BMERB1: variants seen among roughly 807,000 people sequenced by gnomAD.
BMERB1 encodes bMERB domain-containing protein 1.
A neutral mutation model predicts 23.6 loss-of-function variants in BMERB1; 12 were observed. The ratio of observed to expected loss-of-function variants is 0.51; its 90% CI spans 0.33 to 0.82. The LOEUF is 0.82. BMERB1 is among the 40% of genes least tolerant of loss of function. BMERB1 has a pLI of 0.03. For missense variants in BMERB1, 247 were observed against 255.4 expected (o/e 0.97, Z 0.22); for synonymous variants, 122 against 96.6 (o/e 1.26, Z -1.54).
chr16:15,505,162 G>A (rs2051573849), intron 1 of BMERB1, among the ~76,000 whole-genome samples: 1 of 152,130 alleles, frequency 6.6e-6, no homozygotes, highest in Non-Finnish European at 1.5e-5. Flanking sequence ...ACACAGGTAT[G>A]AGGCTGACCA....
At chr16:15,528,984 A>G (rs991593052) in intron 2 of BMERB1, among the ~76,000 whole-genome samples, 12 of 151,994 alleles carry the variant, frequency 7.9e-5, no homozygotes, top group African/African-American at 2.9e-4. Context: ...TTGATCTTGG[A>G]CTTTCCAGCC....
intron 1 of BMERB1, among the ~76,000 whole-genome samples, chr16:15,464,329 A>AG: frequency 6.7e-6 from 1 of 150,034 alleles, no homozygotes; most frequent in East Asian, 2.0e-4. Flanking sequence ...AAAAAAAAAA[A>AG]AAAGGATTCC....
intron 2 of BMERB1, among the ~76,000 whole-genome samples, chr16:15,523,592 A>G (rs955647853): frequency 7.2e-5 from 11 of 152,106 alleles, no homozygotes; most frequent in African/African-American, 2.7e-4. Flanking sequence ...TCTCTCAACT[A>G]GCTTTGAATT....
rs78813122 is a variant in BMERB1 at position 15,485,623 on chromosome 16, C to T, written c.107-29682C>T. The stretch of plus-strand genomic sequence containing the variant: ...AATTGGTTCTGAGACACTATTTCCC[C>T]GAGCACCATCCCAAGTATAAACTAC... On this transcript the variant is annotated intron_variant, in intron 1 of 5. Transcript: ENST00000300006. Among the ~76,000 whole-genome samples, 937 of 152,010 alleles carry T rather than the reference C, an allele frequency of 6.2e-3. 14 individuals are homozygous for T. Among genetic ancestry groups the T allele is most frequent in the African/African-American group, 0.022 (906 of 41,432 alleles).
In BMERB1 at chr16:15,472,561, C is replaced by T. The variant is rs546588755; in HGVS notation, c.106+37802C>T. Among the ~76,000 whole-genome samples, 6 of 152,194 alleles carry T rather than the reference C, an allele frequency of 3.9e-5. No individual in the cohort carries two copies. The East Asian group carries it at 1.2e-3, about 29-fold the overall frequency. On this transcript the variant is annotated intron_variant, in intron 1 of 5. Coordinates refer to ENST00000300006, the MANE Select transcript of BMERB1 (RefSeq NM_033201.3). ...TTTATCTGGTATTAGTAGAGCCATC[C>T]TGGCTTTTCTTTTGATTAACATTTG...
intron 1 of BMERB1, among the ~76,000 whole-genome samples, chr16:15,470,635 C>G (rs1169146413): frequency 6.6e-6 from 1 of 151,756 alleles, no homozygotes; most frequent in Non-Finnish European, 1.5e-5. Context: ...AAGCGATTCC[C>G]CTGCCTCAGA....
At chr16:15,553,498 T>C (rs2030156126) in intron 2 of BMERB1, among the ~76,000 whole-genome samples, 1 of 152,160 alleles carries the variant, frequency 6.6e-6, no homozygotes, top group African/African-American at 2.4e-5. Context: ...CTCTACAGAG[T>C]GTACAGTCTC....
rs547778532 is a variant in BMERB1 at position 15,496,728 on chromosome 16, C to T, written c.107-18577C>T. Reference sequence around the variant, plus strand: ...TAATTTTTTTTATTTTTAGTAGAGACGGGGTTTCACCATGTTAGCCAGGAT... The same window carrying T: ...TAATTTTTTTTATTTTTAGTAGAGATGGGGTTTCACCATGTTAGCCAGGAT... On this transcript the variant is annotated intron_variant, in intron 1 of 5. Coordinates refer to ENST00000300006, the MANE Select transcript of BMERB1 (RefSeq NM_033201.3). Among the ~76,000 whole-genome samples the T allele has an allele frequency of 3.9e-5, 6 of 152,020 alleles. No individual in the cohort carries two copies. In the East Asian group the frequency reaches 7.8e-4, roughly 20 times the overall value.
intron 1 of BMERB1, among the ~76,000 whole-genome samples, chr16:15,472,858 A>G (rs1407173042): frequency 3.1e-5 from 4 of 129,330 alleles, no homozygotes; most frequent in African/African-American, 5.4e-5. Context: ...TAAGGATTCC[A>G]TCTTTTTTTT....
At chr16:15,475,532 AAC>A (rs1393506564) in intron 1 of BMERB1, among the ~76,000 whole-genome samples, 1 of 152,222 alleles carries the variant, frequency 6.6e-6, no homozygotes, top group East Asian at 1.9e-4. Flanking sequence ...GTAAGTTCTG[AAC>A]ACAGAGATGA....
At chr16:15,504,567 G>C (rs1318872920) in intron 1 of BMERB1, among the ~76,000 whole-genome samples, 1 of 151,518 alleles carries the variant, frequency 6.6e-6, no homozygotes, top group African/African-American at 2.4e-5. Flanking sequence ...TCCCACCTCA[G>C]CCTCCCAAGT....
At chr16:15,522,583 C>T (rs1170021641) in intron 2 of BMERB1, among the ~76,000 whole-genome samples, 5 of 152,126 alleles carry the variant, frequency 3.3e-5, no homozygotes, top group Non-Finnish European at 7.3e-5. Context: ...TATCACATAG[C>T]CTTTATTTTA....
At chr16:15,475,948 C>T (rs1026273924) in intron 1 of BMERB1, among the ~76,000 whole-genome samples, 1 of 152,164 alleles carries the variant, frequency 6.6e-6, no homozygotes, top group Non-Finnish European at 1.5e-5. Flanking sequence ...TTGCTGACCT[C>T]ATTCTCCAGC....
chr16:15,497,310 CG>C (rs2051482855), intron 1 of BMERB1, among the ~76,000 whole-genome samples: 1 of 152,066 alleles, frequency 6.6e-6, no homozygotes, highest in South Asian at 2.1e-4. Flanking sequence ...GAACTTGGGA[CG>C]GGCAAGGAAG....
chr16:15,524,508 C>T (rs1039211594), intron 2 of BMERB1, among the ~76,000 whole-genome samples: 2 of 152,248 alleles, frequency 1.3e-5, no homozygotes, highest in East Asian at 3.9e-4. Context: ...TGGCTCATAC[C>T]TGTAATCCCA....
In BMERB1 at chr16:15,587,297, G is replaced by A. The variant is rs368042805; in HGVS notation, c.*468G>A. On this transcript the variant is annotated 3_prime_UTR_variant, in exon 6 of 6. Transcript: ENST00000300006. ...GGCACATGGGCACAGGTCCCCTCCCGTCTGTCCTCTCCCAGCAACTGTGCC... is the reference window on the plus strand; with the variant it reads ...GGCACATGGGCACAGGTCCCCTCCCATCTGTCCTCTCCCAGCAACTGTGCC... The A allele has an allele frequency of 1.2e-3, 277 of 227,450 alleles. 4 individuals are homozygous for A. The South Asian group carries it at 0.012, about 10-fold the overall frequency. 14.1% of individuals were successfully genotyped at this position (227,450 alleles called of 1,614,324 possible). A position where few individuals can be genotyped will look rare whatever the true frequency, so the allele number is the denominator to read the frequency against.
At chr16:15,577,459 A>G (rs575992491) in intron 3 of BMERB1, among the ~76,000 whole-genome samples, 11 of 152,302 alleles carry the variant, frequency 7.2e-5, no homozygotes, top group Admixed American at 4.6e-4. Flanking sequence ...AAATAATTCC[A>G]CCAGCGGGCA....
At chr16:15,581,562 A>C (rs1202732415) in intron 4 of BMERB1, among the ~76,000 whole-genome samples, 2 of 152,222 alleles carry the variant, frequency 1.3e-5, no homozygotes, top group Non-Finnish European at 2.9e-5. Flanking sequence ...TTGTTCCAGG[A>C]AGTGACCAGG....
chr16:15,536,010 C>A (rs1208183522), intron 2 of BMERB1, among the ~76,000 whole-genome samples: 1 of 152,160 alleles, frequency 6.6e-6, no homozygotes, highest in Non-Finnish European at 1.5e-5. Flanking sequence ...CAATCACTTC[C>A]CTCCCTCGAC....
Sources: gnomAD v4.1 joint callset for allele counts (sites outside exome capture counted in the v4.1 genomes callset) on GRCh38, gnomAD v4.1.1 for gene constraint, MANE v1.5 for transcripts, NCBI Gene and HGNC (gene_info 2026-07-23, HGNC 2026-07-21) for gene names.